Variants in SOS2 observed in about 807,000 individuals in gnomAD.
The protein encoded by SOS2 is son of sevenless homolog 2.
In SOS2, 65 loss-of-function variants were observed where a neutral mutation model predicts 148.2. The observed-to-expected ratio is 0.44, with a 90% CI of 0.36 to 0.54. SOS2 has a LOEUF of 0.54. Ranked by LOEUF, SOS2 falls within the 20% of genes least tolerant of loss-of-function variation. The pLI is 0.00. For missense variants in SOS2, 1,341 were observed against 1,590.2 expected, an observed-to-expected ratio of 0.84 and a Z score of 2.67; for synonymous variants, 539 against 537.1, an observed-to-expected ratio of 1.00 and a Z score of -0.05.
At chr14:50,125,757 C>T (rs1032625143) in intron 21 of SOS2, among the ~76,000 whole-genome samples, 2 of 152,154 alleles carry the variant, frequency 1.3e-5, no homozygotes, top group Non-Finnish European at 2.9e-5. Flanking sequence ...GTTAGAACCC[C>T]ATTCTCCTCT....
chr14:50,187,540 G>A (rs772633042), intron 5 of SOS2, among the ~76,000 whole-genome samples: 28 of 151,594 alleles, frequency 1.8e-4, no homozygotes, highest in Middle Eastern at 3.4e-3. Context: ...TAGTGGAGAC[G>A]GGGTTTCACC....
chr14:50,148,665 T>C (rs1032304602), intron 14 of SOS2, among the ~76,000 whole-genome samples: 4 of 152,164 alleles, frequency 2.6e-5, no homozygotes, highest in African/African-American at 7.2e-5. Context: ...TTACTTAAAA[T>C]ATAACATAAC....
chr14:50,201,008 C>T lies in SOS2; in HGVS notation c.290G>A (p.Arg97Gln), dbSNP rs777574895. Residue 97 changes from arginine (R) to glutamine (Q), a missense_variant, in exon 3 of 23, where the codon CGA becomes CAA. Arg to Gln is a conservative substitution (Grantham distance 43). Coordinates refer to ENST00000216373, the MANE Select transcript of SOS2 (RefSeq NM_006939.4). The stretch of plus-strand genomic sequence containing the variant: ...CAGTAAAAGAGGATTTCTTCGTTTT[C>T]GTTTTTCTATAGCAGATTGTGCATC... ...IADAQSAIEK[R>Q]KRRNPLLLPV... 6.2e-7 allele frequency: 1 copy of T among 1,613,890 alleles called. No homozygotes were observed. The highest frequency in any genetic ancestry group is 8.5e-7 in the Non-Finnish European group (1 of 1,179,922).
intron 7 of SOS2, among the ~76,000 whole-genome samples, 179 bp downstream of exon 7, chr14:50,180,393 A>G (rs746515840): frequency 2.7e-5 from 4 of 149,304 alleles, no homozygotes; most frequent in African/African-American, 7.4e-5. Flanking sequence ...GATTTCTACA[A>G]TAAGAACAGA....
At chr14:50,174,611 C>A in intron 7 of SOS2, 59 bp from the exon 8 acceptor site, 1 of 924,240 alleles carries the variant, frequency 1.1e-6, no homozygotes, top group Non-Finnish European at 1.7e-6. Flanking sequence ...TATGCAACAG[C>A]AGTGCCTAAC....
chr14:50,128,362 T>A (rs1390232553), intron 21 of SOS2, among the ~76,000 whole-genome samples: 2 of 152,156 alleles, frequency 1.3e-5, no homozygotes, highest in Non-Finnish European at 2.9e-5. Flanking sequence ...GTTCCCTGAT[T>A]TGCCTGACTT....
Position 50,119,803 on chromosome 14 carries a change from C to T in SOS2, c.3489+472G>A, listed in dbSNP as rs61141136. 9.1e-3 allele frequency among the ~76,000 whole-genome samples: 625 copies of T among 68,620 alleles called. 19 individuals are homozygous for T. The highest frequency in any genetic ancestry group is 0.036 in the African/African-American group (576 of 15,890). 45.0% of individuals were successfully genotyped at this position (68,620 alleles called of 152,430 possible). ...TGCCTGCCTCAGCCTCCCAACCAGC[C>T]TTTTTTTTTTTTTTTTTTTTTTTTG... On this transcript the variant is annotated intron_variant, in intron 22 of 22. Coordinates refer to ENST00000216373, the MANE Select transcript of SOS2 (RefSeq NM_006939.4).
chr14:50,225,151 C>T (rs1326004979), intron 1 of SOS2, among the ~76,000 whole-genome samples: 1 of 152,120 alleles, frequency 6.6e-6, no homozygotes, highest in Admixed American at 6.5e-5. Flanking sequence ...CATGGGGTCT[C>T]GCTATGTTGG....
intron 9 of SOS2, among the ~76,000 whole-genome samples, chr14:50,160,781 C>T (rs1469807008): frequency 1.3e-5 from 2 of 152,098 alleles, no homozygotes; most frequent in African/African-American, 4.8e-5. Context: ...AGGCAGATCA[C>T]CTGAGCCCAG....
chr14:50,148,409 CAAAA>C (rs3072684), intron 14 of SOS2, among the ~76,000 whole-genome samples: 100 of 118,302 alleles, frequency 8.5e-4, no homozygotes, highest in Non-Finnish European at 8.9e-4. Flanking sequence ...GACACCATCT[CAAAA>C]AAAAAAAAAA....
chr14:50,180,533 TAA>T (rs199667374), intron 7 of SOS2, 37 bp downstream of exon 7: 1,023 of 415,648 alleles, frequency 2.5e-3, no homozygotes, highest in South Asian at 7.2e-3. Flanking sequence ...TTTGCTTTAT[TAA>T]AAAAAAAAAA....
rs1237281191 is a variant in SOS2 at position 50,178,711 on chromosome 14, T to TATATATAC, written c.969+1860_969+1861insGTATATAT. ...ATATATATATATATATATATATATA[T>TATATATAC]ACACACATATACACACACATATATA... On this transcript the variant is annotated intron_variant, in intron 7 of 22. Transcript: ENST00000216373. Among the ~76,000 whole-genome samples, 81 of 120,364 alleles carry TATATATAC rather than the reference T, an allele frequency of 6.7e-4. 1 individual carries two copies. Among genetic ancestry groups the TATATATAC allele is most frequent in the Non-Finnish European group, 1.2e-3 (71 of 60,676 alleles). 79.0% of individuals were successfully genotyped at this position (120,364 alleles called of 152,430 possible).
chr14:50,145,348 A>G lies in SOS2; in HGVS notation c.2505-16T>C. On this transcript the variant is annotated splice_polypyrimidine_tract_variant and intron_variant, in intron 15 of 22. Coordinates refer to ENST00000216373, the MANE Select transcript of SOS2 (RefSeq NM_006939.4). ...CACAATGCATCTAACAACAACAAAA[A>G]TTCATGGCTTAGAAAAGTTTCTTCA... 6.3e-7 allele frequency: 1 copy of G among 1,588,594 alleles called. No homozygotes were observed. The highest frequency in any genetic ancestry group is 8.5e-7 in the Non-Finnish European group (1 of 1,171,266).
chr14:50,224,024 G>A lies in SOS2; in HGVS notation c.87+7173C>T, dbSNP rs542386025. On this transcript the variant is annotated intron_variant, in intron 1 of 22. Coordinates refer to ENST00000216373, the MANE Select transcript of SOS2 (RefSeq NM_006939.4). ...AAATTGGCCAGGCGCAGTGGCTCACGCCTGTAATCCCAACACTTGGGGGGC... is the reference window on the plus strand; with the variant it reads ...AAATTGGCCAGGCGCAGTGGCTCACACCTGTAATCCCAACACTTGGGGGGC... 4.0e-5 allele frequency among the ~76,000 whole-genome samples: 6 copies of A among 151,876 alleles called. No homozygotes were observed. The East Asian group carries it at 5.8e-4, about 15-fold the overall frequency.
chr14:50,173,419 A>C (rs920494024), intron 8 of SOS2, among the ~76,000 whole-genome samples: 2 of 151,824 alleles, frequency 1.3e-5, no homozygotes, highest in Middle Eastern at 3.4e-3. Flanking sequence ...GGAGGTAGCC[A>C]GCTTTTTTTT....
intron 11 of SOS2, among the ~76,000 whole-genome samples, 188 bp from the exon 12 acceptor site, chr14:50,157,309 T>G (rs1331218097): frequency 6.6e-6 from 1 of 152,164 alleles, no homozygotes; most frequent in Admixed American, 6.5e-5. Flanking sequence ...GTATTCTTAC[T>G]TTTATAAAAA....
chr14:50,147,636 G>A (rs1460497099), intron 14 of SOS2, among the ~76,000 whole-genome samples: 1 of 152,066 alleles, frequency 6.6e-6, no homozygotes, highest in African/African-American at 2.4e-5. Flanking sequence ...GGGTGGTAGT[G>A]CTTTCTTAGG....
At position 50,147,932 on chromosome 14, in the gene SOS2, G is replaced by A. The variant is rs539576454; in HGVS notation, c.2384+2076C>T. On this transcript the variant is annotated intron_variant, in intron 14 of 22. Transcript: ENST00000216373. Reference sequence around the variant, plus strand: ...GGCCAGGAGTTCAAGGCCAGCCTGGGCAACACAGTGAGACCCTATCTCTTT... The same window carrying A: ...GGCCAGGAGTTCAAGGCCAGCCTGGACAACACAGTGAGACCCTATCTCTTT... Among the ~76,000 whole-genome samples the A allele has an allele frequency of 2.0e-5, 3 of 152,234 alleles. No homozygotes were observed. In the East Asian group the frequency reaches 5.8e-4, roughly 29 times the overall value.
intron 1 of SOS2, among the ~76,000 whole-genome samples, chr14:50,205,411 A>G (rs139618343): frequency 2.6e-5 from 4 of 152,272 alleles, no homozygotes; most frequent in Admixed American, 6.5e-5. Flanking sequence ...ACAAAAATAG[A>G]TAACTTGAAT....
Sources: allele counts gnomAD v4.1 joint callset (sites outside exome capture counted in the v4.1 genomes callset), GRCh38; gene constraint gnomAD v4.1.1; transcripts MANE v1.5; gene names NCBI Gene and HGNC (gene_info 2026-07-23, HGNC 2026-07-21).